RNF216: variants seen among roughly 807,000 people sequenced by gnomAD.
RNF216 encodes the protein ring finger protein 216, also known as E3 ubiquitin-protein ligase RNF216.
Under a neutral mutation model 110.8 loss-of-function variants are expected in RNF216, and 72 were observed. The observed-to-expected ratio is 0.65, with a 90% CI of 0.54 to 0.79. RNF216 has a LOEUF of 0.79. RNF216 is among the 30% of genes least tolerant of loss of function. The probability of loss-of-function intolerance (pLI) is 0.00; values close to 1 mark genes in which losing one functional copy is unlikely to be tolerated. For missense variants in RNF216, 1,342 were observed against 1,141.2 expected, an observed-to-expected ratio of 1.18 and a Z score of -2.54; for synonymous variants, 495 against 407.5, an observed-to-expected ratio of 1.21 and a Z score of -2.59.
At chr7:5,667,502 C>G (rs1419504515) in intron 13 of RNF216, among the ~76,000 whole-genome samples, 1 of 152,236 alleles carries the variant, frequency 6.6e-6, no homozygotes, top group Non-Finnish European at 1.5e-5. Flanking sequence ...GCCCGGGAAC[C>G]AGGGGAACCC....
Position 5,764,946 on chromosome 7 carries a change from TG to T in RNF216, c.-69-3809del, listed in dbSNP as rs113670150. Among the ~76,000 whole-genome samples, 287 of 152,126 alleles carry T rather than the reference TG, an allele frequency of 1.9e-3. 3 individuals are homozygous for T. Among genetic ancestry groups the T allele is most frequent in the Middle Eastern group, 0.01 (3 of 294 alleles). On this transcript the variant is annotated intron_variant, in intron 1 of 16. Coordinates refer to ENST00000389902, the MANE Select transcript of RNF216 (RefSeq NM_207111.4). ...TTAGTTGGGCATGGTGGCACACATC[TG>T]TGATCCCAGCTACTCCTGAGGCTGA...
At chr7:5,682,632 C>G (rs1790734470) in intron 13 of RNF216, among the ~76,000 whole-genome samples, 1 of 152,112 alleles carries the variant, frequency 6.6e-6, no homozygotes, top group African/African-American at 2.4e-5. Flanking sequence ...ATCTTGAACT[C>G]CTGACCTCAA....
At chr7:5,759,382 CA>C (rs770789072) in intron 2 of RNF216, among the ~76,000 whole-genome samples, 4 of 152,164 alleles carry the variant, frequency 2.6e-5, no homozygotes, top group Non-Finnish European at 5.9e-5. Flanking sequence ...TCAGCCTACT[CA>C]ATGTGAGGAT....
intron 1 of RNF216, among the ~76,000 whole-genome samples, chr7:5,777,974 T>C (rs1049566734): frequency 2.0e-5 from 3 of 152,228 alleles, no homozygotes; most frequent in Admixed American, 6.5e-5. Flanking sequence ...ATCAACGTTT[T>C]CAACGATCTT....
intron 13 of RNF216, among the ~76,000 whole-genome samples, chr7:5,664,303 T>C (rs1789362943): frequency 6.6e-6 from 1 of 152,190 alleles, no homozygotes; most frequent in South Asian, 2.1e-4. Flanking sequence ...TCAGGTTAAT[T>C]CATTACAGCT....
chr7:5,740,602 A>G (rs1794699234), intron 4 of RNF216, among the ~76,000 whole-genome samples: 1 of 152,222 alleles, frequency 6.6e-6, no homozygotes, highest in African/African-American at 2.4e-5. Flanking sequence ...AAACAGCCAC[A>G]AGGAGCTAGT....
chr7:5,722,425 T>C (rs1168288143), intron 8 of RNF216, among the ~76,000 whole-genome samples: 2 of 151,544 alleles, frequency 1.3e-5, no homozygotes, highest in Non-Finnish European at 2.9e-5. Flanking sequence ...AGTCTCACTC[T>C]GTTGCCCAGG....
intron 13 of RNF216, among the ~76,000 whole-genome samples, chr7:5,675,327 T>C (rs1253739951): frequency 6.6e-6 from 1 of 152,142 alleles, no homozygotes; most frequent in Non-Finnish European, 1.5e-5. Flanking sequence ...CTGGGCCATA[T>C]CCCAGGGGAC....
chr7:5,698,379 T>C (rs1228253001), intron 13 of RNF216, among the ~76,000 whole-genome samples: 2 of 99,152 alleles, frequency 2.0e-5, no homozygotes, highest in Admixed American at 1.9e-4. Flanking sequence ...TCTTAGATTC[T>C]TTTATACACA....
intron 15 of RNF216, among the ~76,000 whole-genome samples, chr7:5,639,872 G>C (rs1375603907): frequency 1.3e-5 from 2 of 150,622 alleles, no homozygotes; most frequent in South Asian, 4.2e-4. Flanking sequence ...CCATTCTCCT[G>C]CCTCAACCTC....
chr7:5,690,255 AAGCGGAGGTTGCAGTG>A (rs1333214605), intron 13 of RNF216, among the ~76,000 whole-genome samples: 2 of 151,008 alleles, frequency 1.3e-5, no homozygotes, highest in Non-Finnish European at 3.0e-5. Flanking sequence ...TGCACACAGG[AAGCGGAGGTTGCAGTG>A]AGCCAAGATC....
intron 6 of RNF216, 111 bp from the exon 7 acceptor site, chr7:5,729,707 C>A: frequency 1.0e-6 from 1 of 976,056 alleles, no homozygotes; most frequent in South Asian, 1.7e-5. Context: ...GTTCTAATTA[C>A]TCTATAAGGA....
chr7:5,761,745 C>T (rs1795946138), intron 1 of RNF216, among the ~76,000 whole-genome samples: 1 of 150,284 alleles, frequency 6.7e-6, no homozygotes, highest in South Asian at 2.1e-4. Context: ...AAGATCGTGG[C>T]ACTGCACTCC....
chr7:5,682,132 C>G (rs1291641312), intron 13 of RNF216, among the ~76,000 whole-genome samples: 2 of 152,188 alleles, frequency 1.3e-5, no homozygotes, highest in African/African-American at 4.8e-5. Flanking sequence ...GCCCACGCTG[C>G]TAGGAAAAAC....
chr7:5,645,587 CTTAAT>C (rs545081522), intron 14 of RNF216, among the ~76,000 whole-genome samples: 22 of 151,226 alleles, frequency 1.5e-4, no homozygotes, highest in Non-Finnish European at 1.3e-4. Context: ...CTGTTGGTTT[CTTAAT>C]TTTTCTTTTT....
chr7:5,629,974 CA>C (rs1032661854), intron 15 of RNF216, among the ~76,000 whole-genome samples: 4 of 152,044 alleles, frequency 2.6e-5, no homozygotes, highest in African/African-American at 7.3e-5. Flanking sequence ...TCAAGTCCCT[CA>C]GGAAACATTC....
chr7:5,662,902 T>C (rs916666171), intron 13 of RNF216, among the ~76,000 whole-genome samples: 1 of 151,772 alleles, frequency 6.6e-6, no homozygotes, highest in African/African-American at 2.4e-5. Context: ...GCGTTCCAGG[T>C]ACAGGGAATG....
At chr7:5,735,515 T>A (rs1257873569) in intron 5 of RNF216, among the ~76,000 whole-genome samples, 3 of 152,120 alleles carry the variant, frequency 2.0e-5, no homozygotes, top group African/African-American at 7.2e-5. Context: ...AAGCTAAAAT[T>A]TCATAACTGA....
At position 5,624,189 on chromosome 7, in the gene RNF216, C is replaced by T; in HGVS notation, c.2383-64G>A. On this transcript the variant is annotated intron_variant, in intron 15 of 16. Coordinates refer to ENST00000389902, the MANE Select transcript of RNF216 (RefSeq NM_207111.4). This position sits in a 1 kb window ranked among gnomAD's most constrained non-coding sequence, Gnocchi z 4.4. ...CATGCAGTGCTGAGGCCCCGTGGGA[C>T]AGTGAGGAGGCCGCTTGTTGCTTAT... 1 of 1,408,328 alleles carries T rather than the reference C, an allele frequency of 7.1e-7. No homozygotes were observed. Among genetic ancestry groups the T allele is most frequent in the South Asian group, 1.2e-5 (1 of 84,564 alleles). 87.2% of individuals were successfully genotyped at this position (1,408,328 alleles called of 1,614,324 possible).
Sources: allele counts gnomAD v4.1 joint callset (sites outside exome capture counted in the v4.1 genomes callset), GRCh38; gene constraint gnomAD v4.1.1; non-coding constraint Gnocchi (gnomAD v3.1); transcripts MANE v1.5; gene names NCBI Gene and HGNC (gene_info 2026-07-23, HGNC 2026-07-21).